Variants in SEC24D observed in about 807,000 individuals in gnomAD.
The protein encoded by SEC24D is protein transport protein Sec24D.
Under a neutral mutation model 116.9 loss-of-function variants are expected in SEC24D, and 69 were observed. The ratio of observed to expected loss-of-function variants is 0.59; its 90% CI spans 0.49 to 0.72. SEC24D has a LOEUF of 0.72. SEC24D is among the 30% of genes least tolerant of loss of function. The probability of loss-of-function intolerance (pLI) is 0.00; values close to 1 mark genes in which losing one functional copy is unlikely to be tolerated. For missense variants in SEC24D, 1,131 were observed against 1,264.1 expected, an observed-to-expected ratio of 0.89 and a Z score of 1.60; for synonymous variants, 405 against 442.8, an observed-to-expected ratio of 0.91 and a Z score of 1.07.
At chr4:118,735,144 T>C (rs759931753) in intron 19 of SEC24D, among the ~76,000 whole-genome samples, 58 of 152,086 alleles carry the variant, frequency 3.8e-4, no homozygotes, top group African/African-American at 1.2e-3. Context: ...AATGACACTA[T>C]TGGGACTAAA....
chr4:118,758,359 TG>T (rs1390998818), intron 10 of SEC24D: 1 of 152,282 alleles, frequency 6.6e-6, no homozygotes, highest in Non-Finnish European at 1.5e-5. Flanking sequence ...AAATTGTGTA[TG>T]AAAATATAAC....
At chr4:118,729,062 T>G (rs1186813347) in intron 21 of SEC24D, 2 of 158,600 alleles carry the variant, frequency 1.3e-5, no homozygotes, top group African/African-American at 4.8e-5. Flanking sequence ...GTAAACAATA[T>G]AGTTTAACAA....
chr4:118,742,171 A>G (rs1178255881), intron 15 of SEC24D, among the ~76,000 whole-genome samples: 2 of 152,110 alleles, frequency 1.3e-5, no homozygotes, highest in Non-Finnish European at 2.9e-5. Flanking sequence ...CAAAAACTTA[A>G]ATAGAAAAAA....
In SEC24D at chr4:118,805,885, T is replaced by C. The variant is rs757676887; in HGVS notation, c.871A>G (p.Ile291Val). 6.3e-7 allele frequency: 1 copy of C among 1,595,970 alleles called. No homozygotes were observed. The highest frequency in any genetic ancestry group is 8.5e-7 in the Non-Finnish European group (1 of 1,172,468). The change falls in exon 7 of 23, where the codon ATC becomes GTC. Residue 291 changes from isoleucine to valine, a missense_variant. Transcript: ENST00000280551. ...QVYATNTRGQ[I>V]PPLVTTDCMI... The stretch of plus-strand genomic sequence containing the variant: ...CAATCTGTAGTGACCAGGGGAGGGA[T>C]CTGGCCTCTGGTGTTGGTGGCATAA...
chr4:118,744,861 C>CTTTTT, intron 14 of SEC24D, 83 bp downstream of exon 14: 2 of 755,382 alleles, frequency 2.6e-6, no homozygotes, highest in Non-Finnish European at 4.6e-6. Flanking sequence ...AGTTTCTCCC[C>CTTTTT]TTTTTTCTTA....
At chr4:118,787,871 GAC>G (rs1433769965) in intron 8 of SEC24D, among the ~76,000 whole-genome samples, 2 of 152,152 alleles carry the variant, frequency 1.3e-5, no homozygotes, top group Non-Finnish European at 2.9e-5. Flanking sequence ...AGGATAGAGT[GAC>G]ACTATGATAG....
intron 3 of SEC24D, among the ~76,000 whole-genome samples, chr4:118,822,340 C>G (rs1416368173): frequency 1.3e-5 from 2 of 152,144 alleles, no homozygotes; most frequent in Non-Finnish European, 2.9e-5. Flanking sequence ...CTGGGCCAGA[C>G]CCTGTGCTGG....
In SEC24D at chr4:118,815,138, T is replaced by C. The variant is rs757957697; in HGVS notation, c.691A>G (p.Met231Val). 3 of 1,614,000 alleles carry C rather than the reference T, an allele frequency of 1.9e-6. No individual in the cohort carries two copies. The highest frequency in any genetic ancestry group is 1.1e-5 in the South Asian group (1 of 91,084). Residue 231 changes from methionine to valine, a missense_variant, in exon 6 of 23, where the codon ATG (methionine) becomes GTG (valine). Coordinates refer to ENST00000280551, the MANE Select transcript of SEC24D (RefSeq NM_014822.4). ...GGGTAAGACAGTTGTGCGCCTGCCA[T>C]CTGGGGACCAGAGTTGGCTGCTTGG... is the stretch of plus-strand genomic sequence containing the variant. Reference protein sequence around the residue: ...PPQQANSGPQMAGAQLSYPGG... With the variant: ...PPQQANSGPQVAGAQLSYPGG...
intron 22 of SEC24D, 148 bp from the exon 23 acceptor site, chr4:118,723,803 T>C (rs146435099): frequency 5.1e-5 from 45 of 887,082 alleles, no homozygotes; most frequent in Middle Eastern, 5.2e-4. Context: ...GTGCCTGATA[T>C]CTAGAGTGGA....
chr4:118,760,953 G>A (rs927191169), intron 10 of SEC24D, among the ~76,000 whole-genome samples: 4 of 151,668 alleles, frequency 2.6e-5, no homozygotes, highest in Non-Finnish European at 4.4e-5. Flanking sequence ...TCCTGACCTC[G>A]TGATCTGCCC....
rs777122370 is a variant in SEC24D at position 118,723,541 on chromosome 4, T to C, written c.3073A>G (p.Lys1025Glu). 2 of 1,613,376 alleles carry C rather than the reference T, an allele frequency of 1.2e-6. No homozygotes were observed. The highest frequency in any genetic ancestry group is 3.3e-5 in the Admixed American group (2 of 59,946). ...TAATTAAGCAGCTGACAGATCTCCT[T>C]GTGAACACAACAAAGGAAATCCACA... ...SYVDFLCCVH[K>E]EICQLLN Residue 1025 changes from lysine to glutamate, a missense_variant, in exon 23 of 23, where the codon AAG becomes GAG. Lys to Glu is a moderately conservative substitution (Grantham distance 56). Coordinates refer to ENST00000280551, the MANE Select transcript of SEC24D (RefSeq NM_014822.4).
intron 8 of SEC24D, among the ~76,000 whole-genome samples, chr4:118,782,799 T>C (rs1042720100): frequency 6.6e-6 from 1 of 152,016 alleles, no homozygotes; most frequent in African/African-American, 2.4e-5. Flanking sequence ...TACTCAAGCC[T>C]CAGCAATGGG....
intron 2 of SEC24D, among the ~76,000 whole-genome samples, chr4:118,828,444 C>T (rs763620898): frequency 6.6e-6 from 1 of 152,120 alleles, no homozygotes; most frequent in Non-Finnish European, 1.5e-5. Context: ...GTCTCCAGAC[C>T]AGTGTCCTCA....
chr4:118,774,288 G>C (rs1728039816), intron 8 of SEC24D, among the ~76,000 whole-genome samples: 1 of 152,048 alleles, frequency 6.6e-6, no homozygotes, highest in Admixed American at 6.6e-5. Flanking sequence ...TAATTTGGAA[G>C]TTAGTTTTTT....
intron 7 of SEC24D, among the ~76,000 whole-genome samples, chr4:118,798,710 G>C (rs1729288546): frequency 6.6e-6 from 1 of 152,200 alleles, no homozygotes; most frequent in Non-Finnish European, 1.5e-5. Context: ...ATCTAGTGAA[G>C]GGGTACCAAG....
At position 118,790,994 on chromosome 4, in the gene SEC24D, A is replaced by T. The variant is rs1578438557; in HGVS notation, c.1041+6689T>A. Among the ~76,000 whole-genome samples the T allele has an allele frequency of 1.3e-5, 2 of 151,832 alleles. 1 individual carries two copies. The highest frequency in any genetic ancestry group is 3.9e-4 in the East Asian group (2 of 5,170). ...TTTATACATAGAATAACAGTATTCA[A>T]GTAATACATTTGCTTAGAAAAGATA... On this transcript the variant is annotated intron_variant, in intron 8 of 22. Coordinates refer to ENST00000280551, the MANE Select transcript of SEC24D (RefSeq NM_014822.4).
chr4:118,769,569 G>C (rs1407611094), intron 8 of SEC24D, among the ~76,000 whole-genome samples: 1 of 152,144 alleles, frequency 6.6e-6, no homozygotes, highest in Non-Finnish European at 1.5e-5. Context: ...TTCAGTCTTA[G>C]AAAACCGAGA....
At chr4:118,725,762 A>G (rs140762621) in intron 22 of SEC24D, among the ~76,000 whole-genome samples, 1,743 of 152,270 alleles carry the variant, frequency 0.011, 34 homozygotes, top group African/African-American at 0.04. Flanking sequence ...TTAATATCCT[A>G]TCCTACCATT....
At chr4:118,817,152 C>T (rs1364642226) in intron 4 of SEC24D, 112 bp downstream of exon 4, 13 of 860,832 alleles carry the variant, frequency 1.5e-5, no homozygotes, top group Non-Finnish European at 2.2e-5. Flanking sequence ...CCAAATACTA[C>T]TTCAACACAG....
Sources: allele counts gnomAD v4.1 joint callset (sites outside exome capture counted in the v4.1 genomes callset), GRCh38; gene constraint gnomAD v4.1.1; transcripts MANE v1.5; gene names NCBI Gene and HGNC (gene_info 2026-07-23, HGNC 2026-07-21).